MAML2: variants seen among roughly 807,000 people sequenced by gnomAD.
The protein encoded by MAML2 is mastermind-like protein 2.
Under a neutral mutation model 96.1 loss-of-function variants are expected in MAML2, and 22 were observed. The ratio of observed to expected loss-of-function variants is 0.23; its 90% CI spans 0.16 to 0.33. The LOEUF is 0.33. Ranked by LOEUF, MAML2 falls within the 10% of genes least tolerant of loss-of-function variation. The pLI is 1.00. For missense variants in MAML2, 1,367 were observed against 1,392.4 expected, an observed-to-expected ratio of 0.98 and a Z score of 0.29; for synonymous variants, 561 against 521.3, an observed-to-expected ratio of 1.08 and a Z score of -1.04.
At chr11:96,097,385 T>G (rs1395469866) in intron 1 of MAML2, among the ~76,000 whole-genome samples, 1 of 151,894 alleles carries the variant, frequency 6.6e-6, no homozygotes, top group Admixed American at 6.6e-5. Context: ...AGTTGGGAGC[T>G]CCACACTGTG....
intron 2 of MAML2, among the ~76,000 whole-genome samples, chr11:96,018,657 C>T (rs1348867019): frequency 6.6e-6 from 1 of 152,200 alleles, no homozygotes; most frequent in Non-Finnish European, 1.5e-5. Flanking sequence ...AGTGCAGTGG[C>T]ACCATCTTGG....
intron 4 of MAML2, among the ~76,000 whole-genome samples, chr11:95,983,030 G>A (rs1442799634): frequency 6.6e-6 from 1 of 152,192 alleles, no homozygotes; most frequent in African/African-American, 2.4e-5. Context: ...TTATTTTGGA[G>A]TGTACTCCTT....
intron 4 of MAML2, among the ~76,000 whole-genome samples, chr11:95,981,154 A>AT (rs1186157660): frequency 6.6e-6 from 1 of 152,160 alleles, no homozygotes; most frequent in Non-Finnish European, 1.5e-5. Flanking sequence ...TGCCGAATAA[A>AT]TTCCATTTTT....
intron 1 of MAML2, among the ~76,000 whole-genome samples, chr11:96,221,689 CTT>C (rs71040137): frequency 0.016 from 1,691 of 105,764 alleles, 20 homozygotes; most frequent in African/African-American, 0.053. Flanking sequence ...TTCAGTCAAG[CTT>C]TTTTTTTTTT....
At chr11:96,006,785 C>CCTGA (rs944163519) in intron 2 of MAML2, among the ~76,000 whole-genome samples, 10 of 151,092 alleles carry the variant, frequency 6.6e-5, no homozygotes, top group Non-Finnish European at 2.9e-5. Flanking sequence ...GTTTCAAAGT[C>CCTGA]CTGACCTCAG....
At chr11:96,082,350 T>A (rs755050287) in intron 2 of MAML2, among the ~76,000 whole-genome samples, 1 of 152,170 alleles carries the variant, frequency 6.6e-6, no homozygotes, top group Non-Finnish European at 1.5e-5. Context: ...CTGAAAGGTT[T>A]GCACTGTGCT....
At chr11:96,325,392 T>G (rs1863761373) in intron 1 of MAML2, among the ~76,000 whole-genome samples, 1 of 152,066 alleles carries the variant, frequency 6.6e-6, no homozygotes, top group African/African-American at 2.4e-5. Context: ...AATAATGAAA[T>G]AACACACTCC....
intron 1 of MAML2, among the ~76,000 whole-genome samples, chr11:96,337,558 T>G (rs1370428910): frequency 6.6e-6 from 1 of 152,186 alleles, no homozygotes; most frequent in African/African-American, 2.4e-5. Context: ...GTAGATGCAT[T>G]CAAAGACTCC....
intron 1 of MAML2, among the ~76,000 whole-genome samples, chr11:96,238,638 T>C (rs10501848): frequency 0.018 from 2,761 of 152,338 alleles, 108 homozygotes; most frequent in South Asian, 0.16. Context: ...ACTTCCTTTA[T>C]TGATATGATA....
intron 1 of MAML2, among the ~76,000 whole-genome samples, chr11:96,117,472 G>A (rs1317301485): frequency 6.6e-6 from 1 of 151,176 alleles, no homozygotes; most frequent in South Asian, 2.1e-4. Context: ...ATTTTTTTTT[G>A]TATTTTTTGT....
intron 1 of MAML2, among the ~76,000 whole-genome samples, chr11:96,276,816 C>CAA (rs67291067): frequency 1.1e-3 from 89 of 78,572 alleles, no homozygotes; most frequent in African/African-American, 2.5e-3. Flanking sequence ...TTCTCAGACC[C>CAA]AAAAAAAAAA....
At chr11:96,109,311 G>A (rs1176901085) in intron 1 of MAML2, among the ~76,000 whole-genome samples, 2 of 152,250 alleles carry the variant, frequency 1.3e-5, no homozygotes, top group East Asian at 3.9e-4. Context: ...GAGGAACGTG[G>A]GCTTCATTAT....
intron 1 of MAML2, among the ~76,000 whole-genome samples, chr11:96,121,970 T>G (rs1425146827): frequency 2.0e-3 from 184 of 93,228 alleles, no homozygotes; most frequent in South Asian, 3.1e-3. Context: ...TTTTTTTTTT[T>G]TTTTTTTTTT....
chr11:96,006,872 T>TACACACACACAC (rs57492080), intron 2 of MAML2, among the ~76,000 whole-genome samples: 3 of 123,968 alleles, frequency 2.4e-5, no homozygotes, highest in Admixed American at 8.1e-5. Context: ...GAATATCTTA[T>TACACACACACAC]ACACACACAC....
intron 3 of MAML2, among the ~76,000 whole-genome samples, chr11:95,990,636 T>C (rs985046257): frequency 6.6e-6 from 1 of 152,204 alleles, no homozygotes; most frequent in Non-Finnish European, 1.5e-5. Context: ...TTGCCTTGTT[T>C]ATGGCTCTCC....
At chr11:96,128,811 CA>C (rs1821316567) in intron 1 of MAML2, among the ~76,000 whole-genome samples, 1 of 152,186 alleles carries the variant, frequency 6.6e-6, no homozygotes, top group Non-Finnish European at 1.5e-5. Flanking sequence ...ATGAATGAAG[CA>C]TAAATCAAAT....
chr11:96,266,156 G>A (rs1262946525), intron 1 of MAML2, among the ~76,000 whole-genome samples: 1 of 152,092 alleles, frequency 6.6e-6, no homozygotes, highest in African/African-American at 2.4e-5. Flanking sequence ...TGAGCAGCAG[G>A]GCACTGAAGA....
At chr11:96,299,073 A>G (rs1863350840) in intron 1 of MAML2, among the ~76,000 whole-genome samples, 2 of 137,378 alleles carry the variant, frequency 1.5e-5, no homozygotes, top group Non-Finnish European at 3.1e-5. Flanking sequence ...ATATATATAT[A>G]TATATATAAA....
At chr11:96,156,115 C>T (rs988243722) in intron 1 of MAML2, among the ~76,000 whole-genome samples, 12 of 152,184 alleles carry the variant, frequency 7.9e-5, no homozygotes, top group African/African-American at 1.9e-4. Flanking sequence ...TAACATGCTT[C>T]GCCTCCGTAA....
Sources: gnomAD v4.1 joint callset for allele counts (sites outside exome capture counted in the v4.1 genomes callset) on GRCh38, gnomAD v4.1.1 for gene constraint, MANE v1.5 for transcripts, NCBI Gene and HGNC (gene_info 2026-07-23, HGNC 2026-07-21) for gene names.